The following NAV3 variants were observed in gnomAD, a reference collection of about 807,000 sequenced individuals.
NAV3 encodes pore membrane and/or filament interacting like protein 1.
In NAV3, 87 loss-of-function variants were observed where a neutral mutation model predicts 244.7. The observed-to-expected ratio is 0.36, with a 90% CI of 0.30 to 0.42. The LOEUF (loss-of-function observed/expected upper bound fraction) is 0.42. Among genes scored for constraint, NAV3 ranks in the 20% least tolerant of loss-of-function variants. The pLI is 1.00. For missense variants in NAV3, 2,663 were observed against 2,893.3 expected (o/e 0.92, Z 1.83); for synonymous variants, 1,126 against 1,042.2 (o/e 1.08, Z -1.55).
chr12:78,016,221 G>C (rs936363886), intron 8 of NAV3, among the ~76,000 whole-genome samples: 2 of 151,640 alleles, frequency 1.3e-5, no homozygotes, highest in African/African-American at 2.4e-5. Context: ...TTTCTTGGTG[G>C]ACAAAACCAA....
chr12:77,856,912 CG>C (rs1450506611), intron 1 of NAV3, among the ~76,000 whole-genome samples: 1 of 151,940 alleles, frequency 6.6e-6, no homozygotes, highest in African/African-American at 2.4e-5. Context: ...CTTTGGACAA[CG>C]GAAGGCTAGG....
intron 2 of NAV3, among the ~76,000 whole-genome samples, chr12:77,597,241 A>C (rs1168459030): frequency 6.6e-6 from 1 of 152,028 alleles, no homozygotes; most frequent in African/African-American, 2.4e-5. Context: ...GGCACCACCA[A>C]CAAGATACCG....
At chr12:77,840,814 G>A (rs1458714427) in intron 1 of NAV3, among the ~76,000 whole-genome samples, 2 of 152,160 alleles carry the variant, frequency 1.3e-5, no homozygotes, top group African/African-American at 2.4e-5. Context: ...TGACTTCCCT[G>A]TCCTTACTCT....
At chr12:77,956,909 A>G (rs1223830116) in intron 3 of NAV3, among the ~76,000 whole-genome samples, 1 of 151,682 alleles carries the variant, frequency 6.6e-6, no homozygotes, top group African/African-American at 2.4e-5. Context: ...CACCCAGCTG[A>G]TTTTTGTATT....
At chr12:78,000,557 G>A (rs1475982747) in intron 7 of NAV3, among the ~76,000 whole-genome samples, 1 of 131,046 alleles carries the variant, frequency 7.6e-6, no homozygotes. Flanking sequence ...AGGCTGGAGT[G>A]CAGTGGCGCG....
In NAV3 at chr12:78,122,427, A is replaced by C; in HGVS notation, c.4237A>C (p.Ser1413Arg). 6.3e-7 allele frequency: 1 copy of C among 1,590,874 alleles called. No homozygotes were observed. The highest frequency in any genetic ancestry group is 8.5e-7 in the Non-Finnish European group (1 of 1,170,998). ...TAGTGTGAGATCTACTCTCTCAGAA[A>C]GGTGAGCTTTCCTGGAGGCATTGAT... ...TGSVRSTLSESMQLDRNTLPK... is the reference protein window; with the variant it reads ...TGSVRSTLSERMQLDRNTLPK... Residue 1413 changes from serine (S) to arginine (R), a missense_variant and splice_region_variant, in exon 16 of 40, where the codon AGC (serine) becomes CGC (arginine). Physicochemically the swap from Ser to Arg is moderately radical, Grantham distance 110. This residue lies in a region of NAV3 where 354 missense variants were observed against 413.0 expected (regional missense o/e 0.86). Coordinates refer to ENST00000397909, the MANE Select transcript of NAV3 (RefSeq NM_001024383.2).
At chr12:77,815,224 A>T (rs1041168055) in intron 2 of NAV3, among the ~76,000 whole-genome samples, 4 of 152,226 alleles carry the variant, frequency 2.6e-5, no homozygotes, top group African/African-American at 9.6e-5. Context: ...CAAACTATTT[A>T]ACTTAGTATA....
chr12:77,910,054 A>G (rs1886418416), intron 1 of NAV3, among the ~76,000 whole-genome samples: 1 of 152,142 alleles, frequency 6.6e-6, no homozygotes, highest in Non-Finnish European at 1.5e-5. Flanking sequence ...CATACTTAAA[A>G]TATGTCTCAT....
chr12:78,127,063 A>C, intron 16 of NAV3, 104 bp from the exon 17 acceptor site: 1 of 1,098,448 alleles, frequency 9.1e-7, no homozygotes, highest in Admixed American at 2.2e-5. Context: ...TATGTGTGTT[A>C]CCAAAAAATT....
intron 2 of NAV3, among the ~76,000 whole-genome samples, chr12:77,592,435 T>C (rs1384996292): frequency 6.6e-6 from 1 of 152,188 alleles, no homozygotes; most frequent in African/African-American, 2.4e-5. Context: ...TAAGCCTTTT[T>C]ATGGCTCAAG....
rs375717981 is a variant in NAV3, at chr12:77,966,342, T to C, written c.487+41T>C. 8.8e-5 allele frequency: 131 copies of C among 1,492,730 alleles called. No individual in the cohort carries two copies. The African/African-American group carries it at 1.5e-3, about 17-fold the overall frequency. The allele number at this position is 1,492,730 out of a possible 1,614,324, so 92.5% of individuals were successfully genotyped here. A position where few individuals can be genotyped will look rare whatever the true frequency, so the allele number is the denominator to read the frequency against. ...ACTGAATTGTCACAAATGGCATCAATGTTTTTAAATTATTTTTTATAATGT... is the reference window on the plus strand; with the variant it reads ...ACTGAATTGTCACAAATGGCATCAACGTTTTTAAATTATTTTTTATAATGT... On this transcript the variant is annotated intron_variant, in intron 4 of 39. Transcript: ENST00000397909.
intron 2 of NAV3, among the ~76,000 whole-genome samples, chr12:77,706,868 T>C (rs1334448918): frequency 2.3e-5 from 2 of 87,278 alleles, no homozygotes; most frequent in African/African-American, 4.8e-5. Context: ...GAGACTCTGT[T>C]TCAAAAAAAA....
intron 2 of NAV3, among the ~76,000 whole-genome samples, chr12:77,749,532 T>A (rs1020792580): frequency 2.2e-4 from 34 of 152,208 alleles, no homozygotes; most frequent in African/African-American, 5.8e-4. Context: ...AATGTAAATA[T>A]GTTTTAAAAT....
intron 22 of NAV3, among the ~76,000 whole-genome samples, chr12:78,153,363 G>A (rs1957148719): frequency 6.6e-6 from 1 of 152,012 alleles, no homozygotes; most frequent in African/African-American, 2.4e-5. Flanking sequence ...AAAACCACAG[G>A]TAAAGTGTTA....
rs35092398 is a variant in NAV3, at chr12:77,946,102, G to GTATA, written c.414+4985_414+4988dup. ...AGAAAAATTCACCATATATATATAT[G>GTATA]TATATATATATATATATATTGTGTA... On this transcript the variant is annotated intron_variant, in intron 3 of 39. Coordinates refer to ENST00000397909, the MANE Select transcript of NAV3 (RefSeq NM_001024383.2). Among the ~76,000 whole-genome samples the GTATA allele has an allele frequency of 4.0e-3, 574 of 141,986 alleles. 5 individuals are homozygous for GTATA. Among genetic ancestry groups the GTATA allele is most frequent in the African/African-American group, 0.014 (553 of 38,602 alleles). 93.1% of individuals were successfully genotyped at this position (141,986 alleles called of 152,430 possible).
At chr12:77,727,377 T>C (rs907100257) in intron 2 of NAV3, among the ~76,000 whole-genome samples, 3 of 151,754 alleles carry the variant, frequency 2.0e-5, no homozygotes, top group African/African-American at 7.3e-5. Context: ...GGGAGAAAAG[T>C]AAACAGGAAA....
intron 12 of NAV3, among the ~76,000 whole-genome samples, chr12:78,087,251 C>G (rs1953684635): frequency 6.6e-6 from 1 of 152,004 alleles, no homozygotes; most frequent in Non-Finnish European, 1.5e-5. Flanking sequence ...ATACATAAAT[C>G]TTCTATGAGA....
intron 2 of NAV3, among the ~76,000 whole-genome samples, chr12:77,734,124 T>A (rs1332071889): frequency 6.6e-6 from 1 of 152,038 alleles, no homozygotes; most frequent in Non-Finnish European, 1.5e-5. Flanking sequence ...GAGTACAGAC[T>A]GAGCCGTTTG....
chr12:77,956,302 G>T (rs1028607211), intron 3 of NAV3, among the ~76,000 whole-genome samples: 14 of 152,116 alleles, frequency 9.2e-5, no homozygotes, highest in Admixed American at 9.2e-4. Flanking sequence ...GAGAAGTATA[G>T]TTCATGAAAA....
Sources: allele counts gnomAD v4.1 joint callset (sites outside exome capture counted in the v4.1 genomes callset), GRCh38; gene constraint gnomAD v4.1.1; regional missense constraint gnomAD v4.1.1; transcripts MANE v1.5; gene names NCBI Gene and HGNC (gene_info 2026-07-23, HGNC 2026-07-21).